The following THBS2 variants were observed in gnomAD, a reference collection of about 807,000 sequenced individuals.
THBS2 encodes the protein thrombospondin 2, also known as thrombospondin-2.
A neutral mutation model predicts 135.2 loss-of-function variants in THBS2; 47 were observed. The observed-to-expected ratio is 0.35, with a 90% CI of 0.28 to 0.44. The LOEUF (loss-of-function observed/expected upper bound fraction) is 0.44. Ranked by LOEUF, THBS2 falls within the 20% of genes least tolerant of loss-of-function variation. The pLI is 1.00. For synonymous variants in THBS2, 639 were observed against 633.8 expected (o/e 1.01, Z -0.12); for missense variants, 1,288 against 1,603.1 (o/e 0.80, Z 3.36).
rs1162820376 is a variant in THBS2, at chr6:169,229,788, A to G, written c.2152-109T>C. 4 of 831,034 alleles carry G rather than the reference A, an allele frequency of 4.8e-6. No individual in the cohort carries two copies. In the Admixed American group the frequency reaches 8.4e-5, roughly 18 times the overall value. 51.5% of individuals were successfully genotyped at this position (831,034 alleles called of 1,614,324 possible). Reference sequence around the variant, plus strand: ...GGCGCCGAGGAAGGAAGCGTGCCCCATCAGTCCTCGATCTCAAGCGGGAGC... The same window carrying G: ...GGCGCCGAGGAAGGAAGCGTGCCCCGTCAGTCCTCGATCTCAAGCGGGAGC... On this transcript the variant is annotated intron_variant, in intron 13 of 21. Transcript: ENST00000617924.
rs557791983 is a variant in THBS2, at chr6:169,229,652, C to T, written c.2179G>A (p.Gly727Arg). 1.2e-6 allele frequency: 2 copies of T among 1,614,016 alleles called. No individual in the cohort carries two copies. Among genetic ancestry groups the T allele is most frequent in the South Asian group, 2.2e-5 (2 of 91,058 alleles). Reference protein sequence around the residue: ...KDNCPHLPNSGQEDFDKDGIG... With the variant: ...KDNCPHLPNSRQEDFDKDGIG... ...CCGTCCTTGTCAAAGTCTTCCTGCC[C>T]AGAATTTGGCAGATGGGGGCAGTTA... Residue 727 changes from glycine (G) to arginine (R), a missense_variant, in exon 14 of 22, where the codon GGG becomes AGG. Physicochemically the swap from Gly to Arg is moderately radical, Grantham distance 125. Transcript: ENST00000617924.
Position 169,248,336 on chromosome 6 carries a change from G to A in THBS2, c.609+81C>T, listed in dbSNP as rs563595545. On this transcript the variant is annotated intron_variant, in intron 3 of 21. Transcript: ENST00000617924. Reference sequence around the variant, plus strand: ...GCCAGGCTCTGCCTGCTCAAGCATCGCATCACCAGACGCATTAGCAGATCA... The same window carrying A: ...GCCAGGCTCTGCCTGCTCAAGCATCACATCACCAGACGCATTAGCAGATCA... 4.8e-5 allele frequency: 70 copies of A among 1,463,680 alleles called. No homozygotes were observed. In the African/African-American group the frequency reaches 5.0e-4, roughly 10 times the overall value. The allele number at this position is 1,463,680 out of a possible 1,614,324, so 90.7% of individuals were successfully genotyped here. A position where few individuals can be genotyped will look rare whatever the true frequency, so the allele number is the denominator to read the frequency against.
Position 169,243,482 on chromosome 6 carries a change from A to C in THBS2, c.695-1524T>G, listed in dbSNP as rs187888310. 1.4e-4 allele frequency among the ~76,000 whole-genome samples: 21 copies of C among 152,294 alleles called. No homozygotes were observed. In the East Asian group the frequency reaches 2.1e-3, roughly 15 times the overall value. ...TCGGACAGTCCATTATTGAGGAAAG[A>C]CTTAGACATTTTACAGCGCTGTCAG... On this transcript the variant is annotated intron_variant, in intron 4 of 21. Coordinates refer to ENST00000617924, the MANE Select transcript of THBS2 (RefSeq NM_003247.5).
chr6:169,236,070 TCAC>T (rs1780041412), intron 9 of THBS2, among the ~76,000 whole-genome samples: 1 of 72,942 alleles, frequency 1.4e-5, no homozygotes, highest in Admixed American at 1.6e-4. Context: ...CCATCCACAC[TCAC>T]CATCCACACT....
At chr6:169,231,847 A>T in intron 13 of THBS2, 133 bp downstream of exon 13, 1 of 1,032,528 alleles carries the variant, frequency 9.7e-7, no homozygotes, top group Non-Finnish European at 1.4e-6. Context: ...CCTGGTGATC[A>T]GGCAAGAGGC....
chr6:169,218,719 ATGGATGGATGAGATAGG>A (rs1414464734), intron 21 of THBS2, among the ~76,000 whole-genome samples: 1 of 115,874 alleles, frequency 8.6e-6, no homozygotes, highest in African/African-American at 3.8e-5. Context: ...AGACAGGTGG[ATGGATGGATGAGATAGG>A]TGGGTGGATG....
chr6:169,226,488 T>TTTCATTACAG (rs1779635667), intron 15 of THBS2, among the ~76,000 whole-genome samples, 190 bp from the exon 16 acceptor site: 2 of 152,232 alleles, frequency 1.3e-5, no homozygotes, highest in African/African-American at 4.8e-5. Flanking sequence ...ATATGACATA[T>TTTCATTACAG]TTCATTACAG....
chr6:169,230,609 G>C (rs75376412), intron 13 of THBS2, among the ~76,000 whole-genome samples: 1 of 152,162 alleles, frequency 6.6e-6, no homozygotes, highest in East Asian at 1.9e-4. Flanking sequence ...ATCCTTTTGT[G>C]TATGTGTATA....
chr6:169,241,687 G>A lies in THBS2; in HGVS notation c.891+75C>T. ...AGGCACTGCCAAGCCAGGGAATGTT[G>A]ATACCTGCTGAGATGGGCCAGCGGC... On this transcript the variant is annotated intron_variant, in intron 5 of 21. Coordinates refer to ENST00000617924, the MANE Select transcript of THBS2 (RefSeq NM_003247.5). The surrounding 1 kb of genome is among the most constrained non-coding windows in gnomAD (Gnocchi z 5.5). The A allele has an allele frequency of 6.9e-7, 1 of 1,454,206 alleles. No homozygotes were observed. The highest frequency in any genetic ancestry group is 1.3e-5 in the South Asian group (1 of 76,302). 90.1% of individuals were successfully genotyped at this position (1,454,206 alleles called of 1,614,324 possible). A position where few individuals can be genotyped will look rare whatever the true frequency, so the allele number is the denominator to read the frequency against.
chr6:169,243,078 C>T, intron 4 of THBS2, among the ~76,000 whole-genome samples: 1 of 139,770 alleles, frequency 7.2e-6, no homozygotes. Context: ...CACCTTCCCA[C>T]CTTCCCACTG....
chr6:169,242,626 TTCCCACCAC>T lies in THBS2; in HGVS notation c.695-677_695-669del, dbSNP rs796491786. 5.8e-3 allele frequency among the ~76,000 whole-genome samples: 352 copies of T among 60,258 alleles called. 2 individuals are homozygous for T. Among genetic ancestry groups the T allele is most frequent in the South Asian group, 0.01 (12 of 1,198 alleles). 39.5% of individuals were successfully genotyped at this position (60,258 alleles called of 152,430 possible). ...TTCCCACCTTCCCACCGCTCCCACCTTCCCACCACTCCCACCTTCCCACCACTCCCACCT... is the reference window on the plus strand; with the variant it reads ...TTCCCACCTTCCCACCGCTCCCACCTTCCCACCTTCCCACCACTCCCACCT... On this transcript the variant is annotated intron_variant, in intron 4 of 21. Coordinates refer to ENST00000617924, the MANE Select transcript of THBS2 (RefSeq NM_003247.5).
chr6:169,240,039 G>T (rs887845603), intron 6 of THBS2, among the ~76,000 whole-genome samples: 1 of 152,212 alleles, frequency 6.6e-6, no homozygotes, highest in Admixed American at 6.5e-5. Context: ...ATTGTCAGCA[G>T]AAATAGAGTA....
chr6:169,250,996 A>G (rs932102640), intron 1 of THBS2, among the ~76,000 whole-genome samples, 190 bp from the exon 2 acceptor site: 4 of 152,200 alleles, frequency 2.6e-5, no homozygotes, highest in African/African-American at 9.7e-5. Context: ...TTCTAACTAT[A>G]AGATTTGTTG....
chr6:169,236,001 CTCCA>C, intron 9 of THBS2, among the ~76,000 whole-genome samples: 1 of 114,738 alleles, frequency 8.7e-6, no homozygotes, highest in Non-Finnish European at 1.9e-5. Flanking sequence ...CACACTCTCC[CTCCA>C]CCATCCACAC....
chr6:169,222,099 G>T, intron 19 of THBS2, 98 bp downstream of exon 19: 1 of 1,400,452 alleles, frequency 7.1e-7, no homozygotes, highest in South Asian at 1.4e-5. Flanking sequence ...AATTAATAAA[G>T]ACAAAAGTGG....
rs1202416947 is a variant in THBS2 at position 169,246,257 on chromosome 6, C to T, written c.634G>A (p.Val212Met). 2 of 1,613,782 alleles carry T rather than the reference C, an allele frequency of 1.2e-6. No homozygotes were observed. The highest frequency in any genetic ancestry group is 1.3e-5 in the African/African-American group (1 of 74,890). The change falls in exon 4 of 22, where the codon GTG becomes ATG. Residue 212 changes from valine (V) to methionine (M), a missense_variant. By Grantham distance (21) the Val-to-Met change is conservative. Transcript: ENST00000617924. ...FRGLLQNVHL[V>M]FENSVEDILS... ...ATATCTTCCACAGAGTTTTCAAACACTAGGTGGACGTTCTGAAGCAAACCC... is the reference window on the plus strand; with the variant it reads ...ATATCTTCCACAGAGTTTTCAAACATTAGGTGGACGTTCTGAAGCAAACCC...
chr6:169,243,146 CTTCCCACCTTCCCACA>C (rs1361593357), intron 4 of THBS2, among the ~76,000 whole-genome samples: 9 of 109,046 alleles, frequency 8.3e-5, no homozygotes, highest in Non-Finnish European at 1.5e-4. Flanking sequence ...CCGCTCCCAC[CTTCCCACCTTCCCACA>C]TTCCCACCTC....
intron 21 of THBS2, among the ~76,000 whole-genome samples, chr6:169,218,572 G>A (rs1340048208): frequency 1.4e-5 from 2 of 147,424 alleles, no homozygotes; most frequent in African/African-American, 5.0e-5. Flanking sequence ...GGGGCTGGGT[G>A]GATGGATGGA....
At chr6:169,245,592 A>G (rs889289337) in intron 4 of THBS2, among the ~76,000 whole-genome samples, 3 of 152,140 alleles carry the variant, frequency 2.0e-5, no homozygotes, top group Non-Finnish European at 4.4e-5. Flanking sequence ...GGAGATCGAG[A>G]CCATCTTGGC....
Sources: allele counts gnomAD v4.1 joint callset (sites outside exome capture counted in the v4.1 genomes callset), GRCh38; gene constraint gnomAD v4.1.1; non-coding constraint Gnocchi (gnomAD v3.1); transcripts MANE v1.5; gene names NCBI Gene and HGNC (gene_info 2026-07-23, HGNC 2026-07-21).